Variants in RORA observed in about 807,000 individuals in gnomAD.
RORA encodes nuclear receptor ROR-alpha.
In RORA, 7 loss-of-function variants were observed where a neutral mutation model predicts 69.5. That is an observed-to-expected ratio of 0.10 (90% CI 0.06 to 0.19). RORA has a LOEUF of 0.19. Among genes scored for constraint, RORA ranks in the 10% least tolerant of loss-of-function variants. The pLI is 1.00. For synonymous variants in RORA, 261 were observed against 240.8 expected, an observed-to-expected ratio of 1.08 and a Z score of -0.78; for missense variants, 457 against 663.0, an observed-to-expected ratio of 0.69 and a Z score of 3.41.
intron 1 of RORA, among the ~76,000 whole-genome samples, chr15:61,041,452 C>T (rs965875653): frequency 1.2e-4 from 19 of 152,208 alleles, no homozygotes; most frequent in African/African-American, 4.3e-4. Context: ...GTCGAGCATC[C>T]ATTGACAACC....
At chr15:60,845,580 C>T (rs1046459163) in intron 1 of RORA, among the ~76,000 whole-genome samples, 13 of 152,158 alleles carry the variant, frequency 8.5e-5, no homozygotes, top group Middle Eastern at 3.2e-3. Context: ...TGGCATTAGT[C>T]GGTGTTCTTT....
At chr15:60,935,433 C>T (rs1000752707) in intron 1 of RORA, among the ~76,000 whole-genome samples, 10 of 152,172 alleles carry the variant, frequency 6.6e-5, no homozygotes, top group African/African-American at 2.2e-4. Flanking sequence ...CCAGTAAGGG[C>T]CCTTGGTGTG....
intron 1 of RORA, among the ~76,000 whole-genome samples, chr15:60,950,262 C>A (rs1254743380): frequency 2.0e-5 from 3 of 148,154 alleles, no homozygotes; most frequent in Non-Finnish European, 4.5e-5. Context: ...ACCACCAGGC[C>A]TGCCCTAAAA....
In RORA at chr15:60,913,400, G is replaced by A. The variant is rs2140481532; in HGVS notation, c.167-234714C>T. On this transcript the variant is annotated intron_variant, in intron 1 of 10. Transcript: ENST00000335670. The stretch of plus-strand genomic sequence containing the variant: ...AGCCTCCTACAGCCACCTCTCCCAG[G>A]AAAGCCTAGAGGAAATTGGCCAACG... 2.0e-5 allele frequency among the ~76,000 whole-genome samples: 3 copies of A among 152,336 alleles called. 1 individual carries two copies. Among genetic ancestry groups the A allele is most frequent in the Admixed American group, 2.0e-4 (3 of 15,294 alleles).
chr15:61,105,897 A>G (rs1303167427), intron 1 of RORA, among the ~76,000 whole-genome samples: 38 of 152,332 alleles, frequency 2.5e-4, no homozygotes, highest in Admixed American at 2.4e-3. Flanking sequence ...AAAAACCTAT[A>G]TGGTGAAAAG....
At chr15:60,858,273 G>A (rs1352183845) in intron 1 of RORA, among the ~76,000 whole-genome samples, 1 of 152,154 alleles carries the variant, frequency 6.6e-6, no homozygotes, top group Non-Finnish European at 1.5e-5. Context: ...TGCCAGGATA[G>A]GTGGAAGGCT....
At chr15:60,774,130 G>T (rs1595704404) in intron 1 of RORA, among the ~76,000 whole-genome samples, 1 of 152,300 alleles carries the variant, frequency 6.6e-6, no homozygotes. Flanking sequence ...GGAGGACCTG[G>T]CGGACACCCA....
At chr15:60,893,368 G>C (rs777487359) in intron 1 of RORA, among the ~76,000 whole-genome samples, 6 of 152,150 alleles carry the variant, frequency 3.9e-5, no homozygotes, top group South Asian at 2.1e-4. Context: ...TGGGAGCCCT[G>C]GTTTTCTGAG....
chr15:61,220,138 A>G (rs1428457618), intron 1 of RORA, among the ~76,000 whole-genome samples: 1 of 152,266 alleles, frequency 6.6e-6, no homozygotes, highest in Non-Finnish European at 1.5e-5. Flanking sequence ...TGGCAATTTC[A>G]CACTTGTCAT....
chr15:61,184,889 G>A (rs2079724574), intron 1 of RORA, among the ~76,000 whole-genome samples: 1 of 149,212 alleles, frequency 6.7e-6, no homozygotes, highest in South Asian at 2.1e-4. Context: ...GAAGGCTGAG[G>A]TAGGAAGATA....
chr15:61,078,683 A>G (rs1467146994), intron 1 of RORA, among the ~76,000 whole-genome samples: 1 of 152,058 alleles, frequency 6.6e-6, no homozygotes, highest in African/African-American at 2.4e-5. Context: ...TTTGGTGTAA[A>G]AGCTCTTATA....
At chr15:60,577,542 G>A (rs2068061052) in intron 2 of RORA, among the ~76,000 whole-genome samples, 1 of 151,808 alleles carries the variant, frequency 6.6e-6, no homozygotes, top group African/African-American at 2.4e-5. Context: ...TACTCGGGAG[G>A]CTGAGGCAGG....
chr15:60,889,553 G>C (rs1324516495), intron 1 of RORA, among the ~76,000 whole-genome samples: 1 of 152,206 alleles, frequency 6.6e-6, no homozygotes, highest in Non-Finnish European at 1.5e-5. Context: ...TGAACAGTTG[G>C]GGAGAGCGAC....
chr15:61,054,195 C>A (rs2078057283), intron 1 of RORA, among the ~76,000 whole-genome samples: 1 of 151,774 alleles, frequency 6.6e-6, no homozygotes, highest in Non-Finnish European at 1.5e-5. Flanking sequence ...CATCTTCATA[C>A]TTAATTGTTG....
At chr15:61,097,342 C>T (rs1269699615) in intron 1 of RORA, among the ~76,000 whole-genome samples, 1 of 152,142 alleles carries the variant, frequency 6.6e-6, no homozygotes, top group East Asian at 1.9e-4. Flanking sequence ...TGCTACATAC[C>T]TGGAATTTGC....
At chr15:60,820,434 C>T (rs1026381542) in intron 1 of RORA, among the ~76,000 whole-genome samples, 6 of 152,082 alleles carry the variant, frequency 3.9e-5, no homozygotes, top group African/African-American at 9.7e-5. Flanking sequence ...CTTGAAGAAA[C>T]GGACAGACCC....
chr15:61,191,879 T>C (rs1238188777), intron 1 of RORA, among the ~76,000 whole-genome samples: 2 of 152,094 alleles, frequency 1.3e-5, no homozygotes, highest in Non-Finnish European at 2.9e-5. Flanking sequence ...GTCTGTAGAG[T>C]GGGATAGGTC....
intron 2 of RORA, chr15:60,556,917 C>T: frequency 6.2e-7 from 1 of 1,613,238 alleles, no homozygotes; most frequent in Non-Finnish European, 8.5e-7. Flanking sequence ...TGCCATTCTG[C>T]CTCCAGGAAC....
At chr15:61,220,479 A>G (rs1161364561) in intron 1 of RORA, among the ~76,000 whole-genome samples, 2 of 152,138 alleles carry the variant, frequency 1.3e-5, no homozygotes, top group Middle Eastern at 3.2e-3. Flanking sequence ...AAAATCCATT[A>G]ATTTCCACAC....
Sources: gnomAD v4.1 joint callset for allele counts (sites outside exome capture counted in the v4.1 genomes callset) on GRCh38, gnomAD v4.1.1 for gene constraint, MANE v1.5 for transcripts, NCBI Gene and HGNC (gene_info 2026-07-23, HGNC 2026-07-21) for gene names.